The following NPAS3 variants were observed in gnomAD, a reference collection of about 807,000 sequenced individuals.
The protein encoded by NPAS3 is neuronal PAS domain-containing protein 3.
Under a neutral mutation model 73.1 loss-of-function variants are expected in NPAS3, and 14 were observed. That is an observed-to-expected ratio of 0.19 (90% CI 0.13 to 0.30). The LOEUF is 0.30. Ranked by LOEUF, NPAS3 falls within the 10% of genes least tolerant of loss-of-function variation. The pLI, the probability that NPAS3 is intolerant of heterozygous loss-of-function variation, is 1.00. For missense variants in NPAS3, 1,096 were observed against 1,250.0 expected, an observed-to-expected ratio of 0.88 and a Z score of 1.86; for synonymous variants, 620 against 541.5, an observed-to-expected ratio of 1.14 and a Z score of -2.01.
At chr14:33,298,886 A>C (rs929651967) in intron 3 of NPAS3, among the ~76,000 whole-genome samples, 1 of 152,174 alleles carries the variant, frequency 6.6e-6, no homozygotes, top group Non-Finnish European at 1.5e-5. Flanking sequence ...TTCTTTTCCT[A>C]TTTGCCAACC....
intron 2 of NPAS3, among the ~76,000 whole-genome samples, chr14:33,067,835 C>T (rs2041332447): frequency 6.6e-6 from 1 of 152,228 alleles, no homozygotes; most frequent in African/African-American, 2.4e-5. Flanking sequence ...TCCTCTCCTA[C>T]CTTGCACTTC....
chr14:33,296,277 T>C (rs2042294743), intron 3 of NPAS3, among the ~76,000 whole-genome samples: 1 of 152,212 alleles, frequency 6.6e-6, no homozygotes, highest in South Asian at 2.1e-4. Flanking sequence ...ATTGTCTCTT[T>C]TAATAGATAT....
chr14:33,212,391 A>G (rs1175380059), intron 2 of NPAS3, among the ~76,000 whole-genome samples: 4 of 152,192 alleles, frequency 2.6e-5, no homozygotes, highest in African/African-American at 9.7e-5. Flanking sequence ...GATTACTCTA[A>G]TAGGGGGACA....
intron 7 of NPAS3, among the ~76,000 whole-genome samples, chr14:33,737,478 C>A (rs973224868): frequency 3.9e-5 from 6 of 152,100 alleles, no homozygotes; most frequent in African/African-American, 1.2e-4. Context: ...TGACCATACT[C>A]CCCTGACATA....
chr14:33,713,966 T>G (rs2060890557), intron 6 of NPAS3, among the ~76,000 whole-genome samples: 1 of 152,132 alleles, frequency 6.6e-6, no homozygotes, highest in Non-Finnish European at 1.5e-5. Context: ...AGGCTGTTTC[T>G]TCTTCCTGGA....
intron 3 of NPAS3, among the ~76,000 whole-genome samples, chr14:33,227,958 G>A (rs1453395154): frequency 6.6e-6 from 1 of 152,126 alleles, no homozygotes; most frequent in Non-Finnish European, 1.5e-5. Context: ...CTTTGGGACT[G>A]TGAACACATT....
intron 2 of NPAS3, chr14:33,213,590 G>A (rs2047115637): frequency 6.6e-6 from 1 of 152,110 alleles, no homozygotes; most frequent in Non-Finnish European, 1.5e-5. Flanking sequence ...CCCAGATATT[G>A]GGAAATAAGT....
intron 4 of NPAS3, among the ~76,000 whole-genome samples, chr14:33,546,418 C>T (rs12436118): frequency 0.34 from 51,569 of 152,068 alleles, 10,080 homozygotes; most frequent in East Asian, 0.55. Context: ...TCCTAATATA[C>T]TATAAGGGGC....
At chr14:32,959,708 C>G (rs990987629) in intron 1 of NPAS3, among the ~76,000 whole-genome samples, 1 of 152,144 alleles carries the variant, frequency 6.6e-6, no homozygotes, top group Non-Finnish European at 1.5e-5. Context: ...GTCGGGCATA[C>G]TTCATTTCCT....
chr14:33,594,191 AACCT>A (rs767035093), intron 5 of NPAS3, among the ~76,000 whole-genome samples: 14 of 152,350 alleles, frequency 9.2e-5, no homozygotes, highest in Middle Eastern at 6.8e-3. Flanking sequence ...ATTTGTATAC[AACCT>A]ACACATATCT....
intron 2 of NPAS3, among the ~76,000 whole-genome samples, chr14:33,136,480 T>G (rs887978034): frequency 2.0e-5 from 3 of 152,226 alleles, no homozygotes; most frequent in African/African-American, 7.2e-5. Flanking sequence ...TATATAGTTT[T>G]CTGGAATTTA....
At chr14:33,761,125 G>C (rs770796979) in intron 7 of NPAS3, among the ~76,000 whole-genome samples, 1 of 152,158 alleles carries the variant, frequency 6.6e-6, no homozygotes, top group African/African-American at 2.4e-5. Context: ...GTGTACTACA[G>C]GGGAATATTT....
intron 2 of NPAS3, among the ~76,000 whole-genome samples, chr14:33,137,258 G>A (rs2043875009): frequency 6.6e-6 from 1 of 152,082 alleles, no homozygotes; most frequent in Non-Finnish European, 1.5e-5. Context: ...TGAGTAGTTG[G>A]ACTATTATAG....
In NPAS3 at chr14:33,000,871, G is replaced by A. The variant is rs1199393525; in HGVS notation, c.51-55034G>A. On this transcript the variant is annotated intron_variant, in intron 1 of 11. Transcript: ENST00000356141. ...AAGGCCAGGAAGGACAAGGATTAGT[G>A]TGGGGGAAATCATTTTAGGAAGTAA... Among the ~76,000 whole-genome samples the A allele has an allele frequency of 2.6e-5, 4 of 152,212 alleles. No individual in the cohort carries two copies. In the East Asian group the frequency reaches 5.8e-4, roughly 22 times the overall value.
At chr14:33,658,263 T>C (rs2059206754) in intron 5 of NPAS3, among the ~76,000 whole-genome samples, 1 of 152,220 alleles carries the variant, frequency 6.6e-6, no homozygotes, top group African/African-American at 2.4e-5. Context: ...TTATCCAGCC[T>C]CATTTCAAGA....
chr14:33,196,244 C>T (rs974593407), intron 2 of NPAS3, among the ~76,000 whole-genome samples: 4 of 152,150 alleles, frequency 2.6e-5, no homozygotes, highest in Non-Finnish European at 5.9e-5. Context: ...TTCCAGATGA[C>T]CTGTCTTTCA....
chr14:33,032,801 A>G (rs571269781), intron 1 of NPAS3, among the ~76,000 whole-genome samples: 2 of 152,304 alleles, frequency 1.3e-5, no homozygotes, highest in South Asian at 4.1e-4. Context: ...CAAACAAATT[A>G]TTTGTACTTA....
intron 5 of NPAS3, among the ~76,000 whole-genome samples, chr14:33,571,572 G>C (rs529291804): frequency 6.6e-6 from 1 of 152,240 alleles, no homozygotes; most frequent in Non-Finnish European, 1.5e-5. Context: ...AAGTAGGTAG[G>C]CTACGGAATG....
intron 5 of NPAS3, among the ~76,000 whole-genome samples, chr14:33,627,558 G>C (rs148837106): frequency 3.9e-5 from 6 of 152,270 alleles, no homozygotes; most frequent in Admixed American, 1.3e-4. Flanking sequence ...GGTTTTCTTA[G>C]AGCAAAGGCA....
Sources: allele counts gnomAD v4.1 joint callset (sites outside exome capture counted in the v4.1 genomes callset), GRCh38; gene constraint gnomAD v4.1.1; transcripts MANE v1.5; gene names NCBI Gene and HGNC (gene_info 2026-07-23, HGNC 2026-07-21).